Variants in TRPM2 observed in about 807,000 individuals in gnomAD.
TRPM2 encodes estrogen-responsive element-associated gene 1 protein.
In TRPM2, 161 loss-of-function variants were observed where a neutral mutation model predicts 174.0. The observed-to-expected ratio is 0.93, with a 90% CI of 0.81 to 1.05. TRPM2 has a LOEUF of 1.05. Ranked by LOEUF, TRPM2 falls within the 50% of genes least tolerant of loss-of-function variation. The pLI is 0.00. For missense variants in TRPM2, 2,057 were observed against 2,038.0 expected (o/e 1.01, Z -0.18); for synonymous variants, 954 against 861.3 (o/e 1.11, Z -1.88).
chr21:44,425,220 G>C, intron 24 of TRPM2: 1 of 449,726 alleles, frequency 2.2e-6, no homozygotes, highest in Non-Finnish European at 4.0e-6. Flanking sequence ...GCACTGCAGA[G>C]TGGGGGTGCG....
At chr21:44,413,861 T>G in intron 19 of TRPM2, 30 bp from the exon 20 acceptor site, 1 of 1,595,722 alleles carries the variant, frequency 6.3e-7, no homozygotes, top group Admixed American at 1.7e-5. Flanking sequence ...GTTGTTTTCT[T>G]GGCTCACCCA....
At position 44,406,702 on chromosome 21, in the gene TRPM2, T is replaced by A. The variant is rs1601174310; in HGVS notation, c.2899T>A (p.Phe967Ile). Reference protein sequence around the residue: ...IHNERRVDWLFRGAVYHSYLT... With the variant: ...IHNERRVDWLIRGAVYHSYLT... ...CAACGAGCGCCGGGTGGACTGGCTG[T>A]TCCGAGGGGCCGTCTACCACTCCTA... Residue 967 changes from phenylalanine (F) to isoleucine (I), a missense_variant, in exon 19 of 32, where the codon TTC becomes ATC. Phe to Ile is a conservative substitution (Grantham distance 21). Coordinates refer to ENST00000397928, the MANE Select transcript of TRPM2 (RefSeq NM_003307.4). 6.2e-7 allele frequency: 1 copy of A among 1,609,230 alleles called. No individual in the cohort carries two copies. The highest frequency in any genetic ancestry group is 1.3e-5 in the African/African-American group (1 of 74,912).
At chr21:44,405,852 GGGGC>G in intron 17 of TRPM2, 49 bp from the exon 18 acceptor site, 1 of 1,581,246 alleles carries the variant, frequency 6.3e-7, no homozygotes, top group Non-Finnish European at 8.5e-7. Context: ...GACAGCTCTG[GGGGC>G]TGCTGTGAGC....
At chr21:44,393,287 C>CA (rs11378494) in intron 11 of TRPM2, among the ~76,000 whole-genome samples, 36,983 of 151,994 alleles carry the variant, frequency 0.24, 4,768 homozygotes, top group African/African-American at 0.34. Flanking sequence ...AGCAAAGCAT[C>CA]GATGCCTTTG....
At position 44,413,970 on chromosome 21, in the gene TRPM2, G is replaced by A. The variant is rs138097338; in HGVS notation, c.3042G>A (p.Thr1014=). 515 of 1,613,920 alleles carry A rather than the reference G, an allele frequency of 3.2e-4. 3 individuals carry two copies. In the African/African-American group the frequency reaches 5.8e-3, roughly 18 times the overall value. ...CTAAGTGCCCCGAGAGCGACGCGACGCAGCAGAGGCCGGCCTTCCCTGAGT... is the reference window on the plus strand; with the variant it reads ...CTAAGTGCCCCGAGAGCGACGCGACACAGCAGAGGCCGGCCTTCCCTGAGT... ...YKPKCPESDA[T]QQRPAFPEWL... The change falls in exon 20 of 32, where the codon ACG becomes ACA. Residue 1014 remains threonine, a synonymous_variant. Coordinates refer to ENST00000397928, the MANE Select transcript of TRPM2 (RefSeq NM_003307.4).
intron 2 of TRPM2, among the ~76,000 whole-genome samples, chr21:44,362,348 C>CAAAAAAAAAAAAAAAAAAAA (rs57031573): frequency 2.8e-4 from 25 of 89,226 alleles, no homozygotes; most frequent in East Asian, 7.2e-4. Context: ...ACTAAAAATA[C>CAAAAAAAAAAAAAAAAAAAA]AAAAAAAAAA....
Position 44,403,694 on chromosome 21 carries a change from CAT to C in TRPM2, c.2539-1444_2539-1443del, listed in dbSNP as rs566451145. On this transcript the variant is annotated intron_variant, in intron 16 of 31. Coordinates refer to ENST00000397928, the MANE Select transcript of TRPM2 (RefSeq NM_003307.4). ...ACACATGCATACACATACATGCACA[CAT>C]ATACACATGCATACACACATATGCA... 3.3e-3 allele frequency among the ~76,000 whole-genome samples: 494 copies of C among 149,608 alleles called. 2 individuals are homozygous for C. Among genetic ancestry groups the C allele is most frequent in the African/African-American group, 1.0e-2 (404 of 40,490 alleles).
At chr21:44,412,261 C>A (rs2050132107) in intron 19 of TRPM2, among the ~76,000 whole-genome samples, 1 of 152,144 alleles carries the variant, frequency 6.6e-6, no homozygotes, top group African/African-American at 2.4e-5. Flanking sequence ...CTTACTAATT[C>A]AATCTCTTTA....
chr21:44,425,387 C>T, intron 24 of TRPM2: 1 of 428,622 alleles, frequency 2.3e-6, no homozygotes. Context: ...GCATATTTGC[C>T]CTCGTAACCG....
chr21:44,400,461 C>G, intron 15 of TRPM2, 90 bp downstream of exon 15: 1 of 1,100,840 alleles, frequency 9.1e-7, no homozygotes, highest in East Asian at 2.5e-5. Flanking sequence ...TAGATCCCCT[C>G]GCTGGGAGCA....
At chr21:44,370,824 G>A (rs757389022) in intron 5 of TRPM2, among the ~76,000 whole-genome samples, 16 of 152,190 alleles carry the variant, frequency 1.1e-4, no homozygotes, top group Non-Finnish European at 2.2e-4. Flanking sequence ...GCTGGGTGAC[G>A]TCCCAGGTCA....
At chr21:44,435,037 C>T (rs41277554) in intron 27 of TRPM2, 94 bp from the exon 28 acceptor site, 1 of 1,278,944 alleles carries the variant, frequency 7.8e-7, no homozygotes, top group Non-Finnish European at 1.1e-6. Flanking sequence ...GCGCCGGCTC[C>T]TGACGCCCGC....
Position 44,432,544 on chromosome 21 carries a change from C to A in TRPM2, c.3975-2587C>A, listed in dbSNP as rs2051062443. Among the ~76,000 whole-genome samples the A allele has an allele frequency of 6.6e-6, 1 of 152,178 alleles. No homozygotes were observed. Among genetic ancestry groups the A allele is most frequent in the Non-Finnish European group, 1.5e-5 (1 of 68,032 alleles). On this transcript the variant is annotated intron_variant, in intron 27 of 31. Coordinates refer to ENST00000397928, the MANE Select transcript of TRPM2 (RefSeq NM_003307.4). The surrounding 1 kb of genome is among the most constrained non-coding windows in gnomAD (Gnocchi z 4.9). The stretch of plus-strand genomic sequence containing the variant: ...CACCCCAGTGCATCTTTGTGCTAGA[C>A]CCATCTCCCATTGCCTTTCAAGGAC...
chr21:44,401,532 G>A, intron 15 of TRPM2, 149 bp from the exon 16 acceptor site: 1 of 760,886 alleles, frequency 1.3e-6, no homozygotes, highest in Admixed American at 2.3e-5. Context: ...GCCTGTAGCT[G>A]CCGTTATGGC....
intron 27 of TRPM2, among the ~76,000 whole-genome samples, chr21:44,434,138 G>T (rs2051137461): frequency 6.6e-6 from 1 of 152,162 alleles, no homozygotes; most frequent in Non-Finnish European, 1.5e-5. Context: ...GCCATGAGGG[G>T]TGGGTCAGAG....
At chr21:44,388,205 A>G (rs1018650079) in intron 9 of TRPM2, among the ~76,000 whole-genome samples, 1 of 152,218 alleles carries the variant, frequency 6.6e-6, no homozygotes, top group African/African-American at 2.4e-5. Flanking sequence ...TATACCTACA[A>G]TGGAATATTA....
Position 44,423,747 on chromosome 21 carries a change from G to T in TRPM2, c.3549+15G>T. On this transcript the variant is annotated intron_variant, in intron 23 of 31. Transcript: ENST00000397928. Reference sequence around the variant, plus strand: ...TGGAGGAGCAGGTGGGTCCGAGGTCGGGGCCTCCGTCAGGAGGTGCCACTG... The same window carrying T: ...TGGAGGAGCAGGTGGGTCCGAGGTCTGGGCCTCCGTCAGGAGGTGCCACTG... The T allele has an allele frequency of 6.3e-7, 1 of 1,590,904 alleles. No homozygotes were observed. Among genetic ancestry groups the T allele is most frequent in the Non-Finnish European group, 8.5e-7 (1 of 1,171,220 alleles).
At chr21:44,411,564 G>A (rs977327856) in intron 19 of TRPM2, among the ~76,000 whole-genome samples, 39 of 152,098 alleles carry the variant, frequency 2.6e-4, no homozygotes, top group African/African-American at 8.9e-4. Context: ...CAAACTGGTT[G>A]CCTTTTATTT....
At chr21:44,364,042 C>T (rs1405161455) in intron 2 of TRPM2, 72 bp from the exon 3 acceptor site, 4 of 1,499,880 alleles carry the variant, frequency 2.7e-6, no homozygotes, top group Non-Finnish European at 2.7e-6. Flanking sequence ...TCCACTGGGC[C>T]TCCTCTGATG....
Sources: allele counts gnomAD v4.1 joint callset (sites outside exome capture counted in the v4.1 genomes callset), GRCh38; gene constraint gnomAD v4.1.1; non-coding constraint Gnocchi (gnomAD v3.1); transcripts MANE v1.5; gene names NCBI Gene and HGNC (gene_info 2026-07-23, HGNC 2026-07-21).